The following GPATCH8 variants were observed in gnomAD, a reference collection of about 807,000 sequenced individuals.
The protein encoded by GPATCH8 is G patch domain-containing protein 8.
In GPATCH8, 18 loss-of-function variants were observed where a neutral mutation model predicts 118.3. That is an observed-to-expected ratio of 0.15 (90% CI 0.11 to 0.23). GPATCH8 has a LOEUF of 0.23. GPATCH8 is among the 10% of genes least tolerant of loss of function. GPATCH8 has a pLI of 1.00. For missense variants in GPATCH8, 1,631 were observed against 1,873.8 expected, an observed-to-expected ratio of 0.87 and a Z score of 2.39; for synonymous variants, 659 against 684.7, an observed-to-expected ratio of 0.96 and a Z score of 0.59.
chr17:44,412,252 A>G (rs2049468040), intron 6 of GPATCH8, among the ~76,000 whole-genome samples: 1 of 152,088 alleles, frequency 6.6e-6, no homozygotes, highest in Non-Finnish European at 1.5e-5. Context: ...AGTTGGGCGC[A>G]GTGGTTATGT....
At position 44,464,560 on chromosome 17, in the gene GPATCH8, G is replaced by A. The variant is rs2144302576; in HGVS notation, c.121-16C>T. ...CAATATTATCCTGACAGACAGAACAGAGAGACAAACCAAAAATATTCCAAT... is the reference window on the plus strand; with the variant it reads ...CAATATTATCCTGACAGACAGAACAAAGAGACAAACCAAAAATATTCCAAT... On this transcript the variant is annotated splice_polypyrimidine_tract_variant and intron_variant, in intron 2 of 7. Transcript: ENST00000591680. 2.0e-6 allele frequency: 3 copies of A among 1,516,638 alleles called. No homozygotes were observed. The highest frequency in any genetic ancestry group is 2.7e-6 in the Non-Finnish European group (3 of 1,092,480). 93.9% of individuals were successfully genotyped at this position (1,516,638 alleles called of 1,614,324 possible). A position where few individuals can be genotyped will look rare whatever the true frequency, so the allele number is the denominator to read the frequency against.
At position 44,395,942 on chromosome 17, in the gene GPATCH8, A is replaced by G. The variant is rs1419758723; in HGVS notation, c.*1626T>C. ...TGAAAGGCAAGAAGAGGGGCAAAAG[A>G]GGCTGAGGTGGTAATTCCTCTTGTC... On this transcript the variant is annotated 3_prime_UTR_variant, in exon 8 of 8. Coordinates refer to ENST00000591680, the MANE Select transcript of GPATCH8 (RefSeq NM_001002909.4). 8.8e-6 allele frequency: 4 copies of G among 454,378 alleles called. No homozygotes were observed. In the Admixed American group the frequency reaches 9.4e-5, roughly 11 times the overall value. The allele number at this position is 454,378 out of a possible 1,614,324, so 28.1% of individuals were successfully genotyped here. A position where few individuals can be genotyped will look rare whatever the true frequency, so the allele number is the denominator to read the frequency against.
intron 1 of GPATCH8, among the ~76,000 whole-genome samples, chr17:44,480,470 C>G (rs1968138490): frequency 6.6e-6 from 1 of 152,016 alleles, no homozygotes; most frequent in Non-Finnish European, 1.5e-5. Flanking sequence ...AATCCCAGCA[C>G]TTTGGGAGGC....
At chr17:44,492,844 T>C (rs1485159791) in intron 1 of GPATCH8, among the ~76,000 whole-genome samples, 1 of 152,136 alleles carries the variant, frequency 6.6e-6, no homozygotes, top group African/African-American at 2.4e-5. Context: ...TCTATTATTT[T>C]ACTGGAACAA....
intron 3 of GPATCH8, among the ~76,000 whole-genome samples, chr17:44,441,123 C>T (rs568215007): frequency 6.6e-6 from 1 of 152,160 alleles, no homozygotes; most frequent in Non-Finnish European, 1.5e-5. Context: ...GCTGGGATTA[C>T]AGGCGTGAGC....
chr17:44,436,845 A>G (rs2050529820), intron 3 of GPATCH8: 1 of 355,844 alleles, frequency 2.8e-6, no homozygotes, highest in Non-Finnish European at 5.2e-6. Flanking sequence ...TTAAATTGTA[A>G]AACTTTAAAA....
intron 3 of GPATCH8, among the ~76,000 whole-genome samples, chr17:44,447,028 G>A (rs187316241): frequency 1.3e-3 from 201 of 152,020 alleles, no homozygotes; most frequent in African/African-American, 4.4e-3. Flanking sequence ...TAGAGATGGG[G>A]TTTCACCATG....
chr17:44,470,165 T>C (rs567906251), intron 2 of GPATCH8, among the ~76,000 whole-genome samples: 66 of 152,400 alleles, frequency 4.3e-4, no homozygotes, highest in African/African-American at 1.6e-3. Context: ...CTATGATGCA[T>C]GCATTCTGCC....
At chr17:44,498,475 T>C (rs986003876) in intron 1 of GPATCH8, among the ~76,000 whole-genome samples, 19 of 152,244 alleles carry the variant, frequency 1.2e-4, no homozygotes, top group Admixed American at 1.2e-3. Context: ...AGTGATTATA[T>C]ACCATTTACC....
Position 44,398,982 on chromosome 17 carries a change from CG to C in GPATCH8, c.3094del (p.Arg1032AlafsTer77). ...RRDFIRSKIY[R>X]SQSPHYFRSG... ...TCGGAAATAGTGGGGGGACTGGGAG[CG>C]GTAGATCTTAGAACGAATGAAGTCC... On this transcript the variant is annotated frameshift_variant, in exon 8 of 8. Transcript: ENST00000591680. LOFTEE classifies it high-confidence loss of function. The C allele has an allele frequency of 6.2e-7, 1 of 1,614,034 alleles. No homozygotes were observed. Among genetic ancestry groups the C allele is most frequent in the Non-Finnish European group, 8.5e-7 (1 of 1,179,962 alleles).
Position 44,416,358 on chromosome 17 carries a change from T to C in GPATCH8, c.492+7991A>G, listed in dbSNP as rs151281419. On this transcript the variant is annotated intron_variant, in intron 6 of 7. Coordinates refer to ENST00000591680, the MANE Select transcript of GPATCH8 (RefSeq NM_001002909.4). ...TTAGCTATGTCGTGATTGCTGGGTA[T>C]AATAAGTTTACTCCCAACATAAGCA... Among the ~76,000 whole-genome samples, 17 of 152,264 alleles carry C rather than the reference T, an allele frequency of 1.1e-4. No homozygotes were observed. The East Asian group carries it at 3.3e-3, about 29-fold the overall frequency.
At chr17:44,431,793 G>A (rs2050324678) in intron 5 of GPATCH8, among the ~76,000 whole-genome samples, 1 of 151,984 alleles carries the variant, frequency 6.6e-6, no homozygotes, top group African/African-American at 2.4e-5. Flanking sequence ...AGGCATGGTG[G>A]TGCACGCCTA....
chr17:44,433,748 CA>C (rs1443197819), intron 5 of GPATCH8, among the ~76,000 whole-genome samples: 23 of 152,228 alleles, frequency 1.5e-4, no homozygotes, highest in African/African-American at 5.5e-4. Flanking sequence ...CAGCAGCCAA[CA>C]AAGGAATCTA....
chr17:44,489,039 A>C (rs1233706097), intron 1 of GPATCH8, among the ~76,000 whole-genome samples: 1 of 151,928 alleles, frequency 6.6e-6, no homozygotes, highest in Non-Finnish European at 1.5e-5. Context: ...AGTCTGAGGG[A>C]CAGAGTGAGA....
rs979527502 is a variant in GPATCH8, at chr17:44,395,377, T to C, written c.*2191A>G. The C allele has an allele frequency of 2.2e-6, 1 of 451,990 alleles. No homozygotes were observed. Among genetic ancestry groups the C allele is most frequent in the Non-Finnish European group, 4.4e-6 (1 of 226,116 alleles). 28.0% of individuals were successfully genotyped at this position (451,990 alleles called of 1,614,324 possible). A position where few individuals can be genotyped will look rare whatever the true frequency, so the allele number is the denominator to read the frequency against. On this transcript the variant is annotated 3_prime_UTR_variant, in exon 8 of 8. Transcript: ENST00000591680. Reference sequence around the variant, plus strand: ...TGATAAAGTTAAATACAATCTGTTATGCTTGTAAGTAAGGTTTATTTTTAT... The same window carrying C: ...TGATAAAGTTAAATACAATCTGTTACGCTTGTAAGTAAGGTTTATTTTTAT...
At chr17:44,491,760 G>C (rs1366072701) in intron 1 of GPATCH8, among the ~76,000 whole-genome samples, 1 of 149,802 alleles carries the variant, frequency 6.7e-6, no homozygotes, top group Non-Finnish European at 1.5e-5. Flanking sequence ...AGGCTGCAAT[G>C]GGAGGATTGC....
rs1330393593 is a variant in GPATCH8, at chr17:44,474,901, A to G, written c.48T>C (p.Gly16=). 1 of 1,501,550 alleles carries G rather than the reference A, an allele frequency of 6.7e-7. No homozygotes were observed. Among genetic ancestry groups the G allele is most frequent in the South Asian group, 1.1e-5 (1 of 88,746 alleles). The allele number at this position is 1,501,550 out of a possible 1,614,324, so 93.0% of individuals were successfully genotyped here. A position where few individuals can be genotyped will look rare whatever the true frequency, so the allele number is the denominator to read the frequency against. The stretch of plus-strand genomic sequence containing the variant: ...CTTCCTCATACTGATCAAAGTGATT[A>G]CCCTGAAAAAAGATGATTACAGTTA... ...SRFNEDRDFQ[G]NHFDQYEEGH... Residue 16 remains glycine, a splice_region_variant and synonymous_variant, in exon 2 of 8, where the codon GGT becomes GGC. Transcript: ENST00000591680.
rs117247815 is a variant in GPATCH8, at chr17:44,447,000, A to G, written c.194-10455T>C. On this transcript the variant is annotated intron_variant, in intron 3 of 7. Transcript: ENST00000591680. ...CAGGCATGCATCACCATGCCCAGCTAATTTCTTTGTGTTTTAGTAGAGATG... is the reference window on the plus strand; with the variant it reads ...CAGGCATGCATCACCATGCCCAGCTGATTTCTTTGTGTTTTAGTAGAGATG... Among the ~76,000 whole-genome samples, 537 of 151,038 alleles carry G rather than the reference A, an allele frequency of 3.6e-3. 5 individuals carry two copies. The highest frequency in any genetic ancestry group is 6.5e-3 in the Non-Finnish European group (442 of 67,828).
intron 1 of GPATCH8, among the ~76,000 whole-genome samples, chr17:44,483,445 T>C (rs1968500286): frequency 6.7e-6 from 1 of 150,346 alleles, no homozygotes; most frequent in Admixed American, 6.7e-5. Flanking sequence ...GAGATGGGGT[T>C]TCACCATATT....
Sources: gnomAD v4.1 joint callset for allele counts (sites outside exome capture counted in the v4.1 genomes callset) on GRCh38, gnomAD v4.1.1 for gene constraint, MANE v1.5 for transcripts, NCBI Gene and HGNC (gene_info 2026-07-23, HGNC 2026-07-21) for gene names.